Variants in NUP107 observed in about 807,000 individuals in gnomAD.
NUP107 encodes the protein nuclear pore complex protein Nup107.
Under a neutral mutation model 141.0 loss-of-function variants are expected in NUP107, and 101 were observed. The observed-to-expected ratio is 0.72, with a 90% CI of 0.61 to 0.84. NUP107 has a LOEUF of 0.84. NUP107 is among the 40% of genes least tolerant of loss of function. The probability of loss-of-function intolerance (pLI) is 0.00; values close to 1 mark genes in which losing one functional copy is unlikely to be tolerated. For missense variants in NUP107, 941 were observed against 1,102.7 expected, an observed-to-expected ratio of 0.85 and a Z score of 2.08; for synonymous variants, 319 against 363.9, an observed-to-expected ratio of 0.88 and a Z score of 1.41.
chr12:68,690,199 C>T (rs1875717570), intron 3 of NUP107, among the ~76,000 whole-genome samples: 1 of 151,240 alleles, frequency 6.6e-6, no homozygotes, highest in Admixed American at 6.6e-5. Context: ...CCATTATTTA[C>T]ATACTCTTTT....
chr12:68,687,212 G>A (rs978649855), intron 1 of NUP107, 139 bp downstream of exon 1: 8 of 1,261,276 alleles, frequency 6.3e-6, no homozygotes, highest in Non-Finnish European at 9.0e-6. Context: ...CCCATGCCGG[G>A]AAATTTGGCC....
Position 68,745,806 on chromosome 12 carries a change from C to T in NUP107, c.*3344C>T, listed in dbSNP as rs926465772. The T allele has an allele frequency of 1.3e-5, 2 of 152,332 alleles. No homozygotes were observed. The highest frequency in any genetic ancestry group is 2.4e-5 in the African/African-American group (1 of 41,464). The allele number at this position is 152,332 out of a possible 1,614,324, so 9.4% of individuals were successfully genotyped here. A position where few individuals can be genotyped will look rare whatever the true frequency, so the allele number is the denominator to read the frequency against. ...TTTTTCCAAAAATAAAAAATAAAAA[C>T]ATGCTTTCAATAAGTTCTTTCCCCC... On this transcript the variant is annotated 3_prime_UTR_variant, in exon 28 of 28. Coordinates refer to ENST00000229179, the MANE Select transcript of NUP107 (RefSeq NM_020401.4).
chr12:68,707,252 T>C (rs957791626), intron 8 of NUP107, among the ~76,000 whole-genome samples: 3 of 151,834 alleles, frequency 2.0e-5, no homozygotes, highest in Non-Finnish European at 4.4e-5. Context: ...TACAAAACAA[T>C]GCAATTTTTT....
chr12:68,726,454 T>C (rs1877567346), intron 18 of NUP107, 45 bp from the exon 19 acceptor site: 2 of 1,253,602 alleles, frequency 1.6e-6, no homozygotes, highest in African/African-American at 1.5e-5. Context: ...TTTTTTTCTT[T>C]TGATTTTATT....
At chr12:68,701,477 T>C (rs1876324071) in intron 7 of NUP107, among the ~76,000 whole-genome samples, 1 of 151,808 alleles carries the variant, frequency 6.6e-6, no homozygotes, top group African/African-American at 2.4e-5. Flanking sequence ...AGGTCAGGAG[T>C]TCAAAACCAG....
chr12:68,734,829 A>G lies in NUP107; in HGVS notation c.2384A>G (p.Tyr795Cys). The G allele has an allele frequency of 6.2e-7, 1 of 1,611,826 alleles. No homozygotes were observed. The highest frequency in any genetic ancestry group is 8.5e-7 in the Non-Finnish European group (1 of 1,179,414). ...GCTCATGAACACAAAGAAAAGAAAT[A>G]TGAAGTAAGTTAAATATGGATCTAG... ...KVAHEHKEKK[Y>C]EMDFGIWKGH... The change falls in exon 25 of 28, where the codon TAT becomes TGT. Residue 795 changes from tyrosine (Y) to cysteine (C), a missense_variant. Coordinates refer to ENST00000229179, the MANE Select transcript of NUP107 (RefSeq NM_020401.4).
At chr12:68,727,234 C>T in intron 19 of NUP107, 117 bp from the exon 20 acceptor site, 1 of 517,276 alleles carries the variant, frequency 1.9e-6, no homozygotes, top group East Asian at 3.1e-5. Context: ...TGTATAGTTA[C>T]TGCTCAGTGG....
At chr12:68,732,494 G>T in intron 22 of NUP107, 143 bp from the exon 23 acceptor site, 1 of 504,032 alleles carries the variant, frequency 2.0e-6, no homozygotes, top group Non-Finnish European at 3.5e-6. Context: ...AGGAAAGTTA[G>T]ATGCTTTCAT....
intron 10 of NUP107, among the ~76,000 whole-genome samples, chr12:68,712,376 C>T (rs1876895915): frequency 7.0e-6 from 1 of 143,616 alleles, no homozygotes; most frequent in South Asian, 2.2e-4. Context: ...CAAGATCACG[C>T]CATTGCACTC....
intron 26 of NUP107, among the ~76,000 whole-genome samples, chr12:68,737,130 ATGT>A (rs1012116431): frequency 2.0e-5 from 3 of 152,204 alleles, no homozygotes; most frequent in Non-Finnish European, 4.4e-5. Flanking sequence ...TAAAATTTTA[ATGT>A]TGTAAAATGC....
At chr12:68,714,106 A>G (rs950926770) in intron 11 of NUP107, 2 of 251,042 alleles carry the variant, frequency 8.0e-6, no homozygotes, top group Non-Finnish European at 1.5e-5. Context: ...TGACTGACCT[A>G]TGAAAGCTCT....
intron 11 of NUP107, chr12:68,714,242 A>G: frequency 6.5e-6 from 1 of 153,210 alleles, no homozygotes; most frequent in Non-Finnish European, 1.5e-5. Context: ...ATGAAGCTTT[A>G]TGACAGGGCA....
Position 68,709,327 on chromosome 12 carries a change from A to AT in NUP107, c.801+18_801+19insT. 2.0e-6 allele frequency: 3 copies of AT among 1,519,698 alleles called. No homozygotes were observed. The highest frequency in any genetic ancestry group is 1.4e-5 in the African/African-American group (1 of 71,836). 94.1% of individuals were successfully genotyped at this position (1,519,698 alleles called of 1,614,324 possible). A position where few individuals can be genotyped will look rare whatever the true frequency, so the allele number is the denominator to read the frequency against. On this transcript the variant is annotated intron_variant, in intron 9 of 27. Coordinates refer to ENST00000229179, the MANE Select transcript of NUP107 (RefSeq NM_020401.4). ...AAAGTCAGGTATGACTAGAATTTAA[A>AT]ATTTTTTTTTATGAAACATGGAGAA... is the stretch of plus-strand genomic sequence containing the variant.
chr12:68,689,870 A>G (rs1875695747), intron 3 of NUP107: 2 of 407,646 alleles, frequency 4.9e-6, no homozygotes, highest in Non-Finnish European at 4.4e-6. Context: ...TAGAGAAGTT[A>G]ACTAATATAT....
intron 20 of NUP107, among the ~76,000 whole-genome samples, chr12:68,729,243 A>G (rs1251270569): frequency 6.6e-6 from 1 of 152,116 alleles, no homozygotes; most frequent in African/African-American, 2.4e-5. Flanking sequence ...AGTTAGTTGT[A>G]TGCAGTTATG....
chr12:68,725,878 C>A (rs1423338631), intron 18 of NUP107, 82 bp downstream of exon 18: 4 of 716,788 alleles, frequency 5.6e-6, no homozygotes, highest in East Asian at 5.4e-5. Flanking sequence ...ACCCTGTTGC[C>A]CAGACTGGAG....
At chr12:68,715,327 C>G (rs780999621) in intron 11 of NUP107, among the ~76,000 whole-genome samples, 23 of 152,136 alleles carry the variant, frequency 1.5e-4, no homozygotes, top group Non-Finnish European at 2.5e-4. Context: ...AACCCCGTCT[C>G]TACTAAAAAT....
chr12:68,701,645 C>G (rs11503738), intron 7 of NUP107, among the ~76,000 whole-genome samples: 1 of 151,474 alleles, frequency 6.6e-6, no homozygotes, highest in Non-Finnish European at 1.5e-5. Context: ...TGCTACTGCA[C>G]TCCAGCCTGG....
chr12:68,728,190 G>A (rs750133173), intron 20 of NUP107, among the ~76,000 whole-genome samples: 2 of 151,208 alleles, frequency 1.3e-5, no homozygotes, highest in Non-Finnish European at 2.9e-5. Context: ...TCGGGAGGCT[G>A]AGGCAGGAAG....
Sources: gnomAD v4.1 joint callset for allele counts (sites outside exome capture counted in the v4.1 genomes callset) on GRCh38, gnomAD v4.1.1 for gene constraint, MANE v1.5 for transcripts, NCBI Gene and HGNC (gene_info 2026-07-23, HGNC 2026-07-21) for gene names.